Variants in COL15A1 observed in about 807,000 individuals in gnomAD.
The protein encoded by COL15A1 is collagen alpha-1(XV) chain.
COL15A1 carries 111 observed loss-of-function variants against 165.9 expected under a neutral mutation model. The ratio of observed to expected loss-of-function variants is 0.67; its 90% CI spans 0.57 to 0.78. COL15A1 has a LOEUF of 0.78. Ranked by LOEUF, COL15A1 falls within the 30% of genes least tolerant of loss-of-function variation. The pLI, the probability that COL15A1 is intolerant of heterozygous loss-of-function variation, is 0.00. For synonymous variants in COL15A1, 659 were observed against 674.8 expected (o/e 0.98, Z 0.36); for missense variants, 1,745 against 1,789.7 (o/e 0.98, Z 0.45).
chr9:98,998,727 C>G (rs1838593011), intron 6 of COL15A1, among the ~76,000 whole-genome samples: 5 of 152,120 alleles, frequency 3.3e-5, no homozygotes, highest in Admixed American at 3.3e-4. Context: ...GAGGGCTTTC[C>G]TAGACTGAGA....
chr9:99,038,328 G>C (rs925286276), intron 21 of COL15A1, among the ~76,000 whole-genome samples: 16 of 152,182 alleles, frequency 1.1e-4, no homozygotes, highest in African/African-American at 3.9e-4. Context: ...AATACAGCCT[G>C]ATGCCATTTA....
chr9:98,947,819 C>T (rs1357028172), intron 2 of COL15A1, among the ~76,000 whole-genome samples: 2 of 152,066 alleles, frequency 1.3e-5, no homozygotes, highest in African/African-American at 4.8e-5. Context: ...GGGTTTTTTG[C>T]AGGTAGTTGA....
At position 98,976,900 on chromosome 9, in the gene COL15A1, G is replaced by T. The variant is rs570092128; in HGVS notation, c.101-8665G>T. 9.9e-5 allele frequency among the ~76,000 whole-genome samples: 15 copies of T among 152,280 alleles called. No individual in the cohort carries two copies. The South Asian group carries it at 2.7e-3, about 27-fold the overall frequency. ...TGGGGGAATCCAAGAAGACTTCATG[G>T]AGGAGGTGATGACATTGAAGTTGGG... On this transcript the variant is annotated intron_variant, in intron 2 of 41. Coordinates refer to ENST00000375001, the MANE Select transcript of COL15A1 (RefSeq NM_001855.5).
intron 2 of COL15A1, among the ~76,000 whole-genome samples, chr9:98,952,828 C>A (rs748789355): frequency 9.9e-5 from 15 of 152,180 alleles, no homozygotes; most frequent in African/African-American, 3.1e-4. Flanking sequence ...AATATTTTTT[C>A]TTTTAATGAT....
At chr9:98,967,118 A>C (rs1261167390) in intron 2 of COL15A1, among the ~76,000 whole-genome samples, 1 of 152,228 alleles carries the variant, frequency 6.6e-6, no homozygotes, top group Non-Finnish European at 1.5e-5. Context: ...GAAACAGAAC[A>C]TGCTACCTAC....
intron 31 of COL15A1, among the ~76,000 whole-genome samples, chr9:99,053,286 T>A (rs1261366772): frequency 6.6e-6 from 1 of 152,238 alleles, no homozygotes; most frequent in Non-Finnish European, 1.5e-5. Context: ...GTCTCCCTGA[T>A]GATATCTAGC....
chr9:98,944,114 C>A, intron 1 of COL15A1, 42 bp downstream of exon 1: 1 of 1,614,160 alleles, frequency 6.2e-7, no homozygotes, highest in South Asian at 1.1e-5. Context: ...CGGGCCCCTC[C>A]AATACTCTTG....
Position 99,070,062 on chromosome 9 carries a change from G to A in COL15A1, c.*176G>A, listed in dbSNP as rs1249868583. ...ATACACTCAAAACTGAAGACATAGA[G>A]GACTCAGATCAAAGACAAAATCTGA... On this transcript the variant is annotated 3_prime_UTR_variant, in exon 42 of 42. Transcript: ENST00000375001. The A allele has an allele frequency of 6.9e-6, 4 of 581,588 alleles. No homozygotes were observed. Among genetic ancestry groups the A allele is most frequent in the Non-Finnish European group, 1.2e-5 (4 of 338,142 alleles). 36.0% of individuals were successfully genotyped at this position (581,588 alleles called of 1,614,324 possible). A position where few individuals can be genotyped will look rare whatever the true frequency, so the allele number is the denominator to read the frequency against.
chr9:99,062,216 T>G (rs562028757), intron 37 of COL15A1, 29 bp from the exon 38 acceptor site: 1 of 1,606,104 alleles, frequency 6.2e-7, no homozygotes, highest in South Asian at 1.1e-5. Context: ...TAATTGATCT[T>G]TCATTTCAAT....
chr9:98,996,823 G>A, intron 5 of COL15A1, 111 bp from the exon 6 acceptor site: 1 of 1,498,306 alleles, frequency 6.7e-7, no homozygotes, highest in Non-Finnish European at 9.1e-7. Flanking sequence ...CTTTCCCCTT[G>A]GTTTATTCAG....
chr9:99,022,086 T>C lies in COL15A1; in HGVS notation c.1702-5T>C. The C allele has an allele frequency of 6.2e-7, 1 of 1,614,154 alleles. No homozygotes were observed. Among genetic ancestry groups the C allele is most frequent in the Non-Finnish European group, 8.5e-7 (1 of 1,179,986 alleles). ...GCCGTTCACTGACCATTTTGTTCTCTTTAGGGTGATGCTGGGGAGGAGCTT... is the reference window on the plus strand; with the variant it reads ...GCCGTTCACTGACCATTTTGTTCTCCTTAGGGTGATGCTGGGGAGGAGCTT... On this transcript the variant is annotated splice_polypyrimidine_tract_variant and splice_region_variant and intron_variant, in intron 12 of 41. Transcript: ENST00000375001.
intron 6 of COL15A1, chr9:98,997,956 G>A (rs1481489107): frequency 2.6e-5 from 4 of 152,150 alleles, no homozygotes; most frequent in South Asian, 2.1e-4. Flanking sequence ...GGGATTGGTC[G>A]GCCAAATTCT....
At chr9:98,947,528 A>G (rs546440740) in intron 2 of COL15A1, among the ~76,000 whole-genome samples, 30 of 152,364 alleles carry the variant, frequency 2.0e-4, no homozygotes, top group Non-Finnish European at 2.5e-4. Flanking sequence ...CTATGCCTCA[A>G]TAAAGCTGCT....
At chr9:98,992,077 G>T (rs1018729381) in intron 5 of COL15A1, among the ~76,000 whole-genome samples, 5 of 152,274 alleles carry the variant, frequency 3.3e-5, no homozygotes, top group African/African-American at 1.2e-4. Flanking sequence ...CCGCACGAGG[G>T]CAGCAGGTGG....
chr9:99,013,831 G>A (rs986215543), intron 9 of COL15A1, among the ~76,000 whole-genome samples: 1 of 152,162 alleles, frequency 6.6e-6, no homozygotes, highest in Non-Finnish European at 1.5e-5. Flanking sequence ...ACTTTAAGGG[G>A]TTTGAGTCAT....
chr9:99,040,784 G>T (rs952828002), intron 23 of COL15A1: 3 of 690,178 alleles, frequency 4.3e-6, no homozygotes, highest in Admixed American at 5.9e-5. Flanking sequence ...CTCCCAAAGT[G>T]CTGGGATTAC....
chr9:99,066,908 A>G lies in COL15A1; in HGVS notation c.3678A>G (p.Pro1226=), dbSNP rs1825903141. Residue 1226 remains proline (P), a synonymous_variant, in exon 40 of 42, where the codon CCA becomes CCG. Transcript: ENST00000375001. ...TGCATTTGGCTGCTCTGAACATGCC[A>G]TTTTCTGGGGACATTCGAGCTGATT... ...PALHLAALNM[P]FSGDIRADFQ... is the part of the protein sequence containing the mutation. 7 of 1,613,616 alleles carry G rather than the reference A, an allele frequency of 4.3e-6. No individual in the cohort carries two copies. The highest frequency in any genetic ancestry group is 4.0e-5 in the African/African-American group (3 of 74,830).
Position 98,989,219 on chromosome 9 carries a change from A to C in COL15A1, c.765A>C (p.Val255=), listed in dbSNP as rs1838373719. ...ETSGLQEADG[V]AEILEAVTYT... Reference sequence around the variant, plus strand: ...GTGGGCTGCAGGAGGCAGACGGAGTAGCTGAGATCTTAGAAGCCGTCACCT... The same window carrying C: ...GTGGGCTGCAGGAGGCAGACGGAGTCGCTGAGATCTTAGAAGCCGTCACCT... Residue 255 remains valine, a synonymous_variant, in exon 5 of 42, where the codon GTA becomes GTC. Transcript: ENST00000375001. The C allele has an allele frequency of 1.9e-6, 3 of 1,614,048 alleles. No homozygotes were observed. Among genetic ancestry groups the C allele is most frequent in the African/African-American group, 2.7e-5 (2 of 74,924 alleles).
At chr9:98,991,657 T>C (rs951424680) in intron 5 of COL15A1, among the ~76,000 whole-genome samples, 1 of 152,022 alleles carries the variant, frequency 6.6e-6, no homozygotes, top group Non-Finnish European at 1.5e-5. Flanking sequence ...AGAGTGCCGA[T>C]TGATGCATTT....
Sources: allele counts gnomAD v4.1 joint callset (sites outside exome capture counted in the v4.1 genomes callset), GRCh38; gene constraint gnomAD v4.1.1; transcripts MANE v1.5; gene names NCBI Gene and HGNC (gene_info 2026-07-23, HGNC 2026-07-21).